The following AUTS2 variants were observed in gnomAD, a reference collection of about 807,000 sequenced individuals.
AUTS2 encodes activator of transcription and developmental regulator AUTS2.
AUTS2 carries 17 observed loss-of-function variants against 112.4 expected under a neutral mutation model. The ratio of observed to expected loss-of-function variants is 0.15; its 90% CI spans 0.10 to 0.23. The LOEUF (loss-of-function observed/expected upper bound fraction) is 0.23. AUTS2 is among the 10% of genes least tolerant of loss of function. The probability of loss-of-function intolerance (pLI) is 1.00; values close to 1 mark genes in which losing one functional copy is unlikely to be tolerated. For missense variants in AUTS2, 1,510 were observed against 1,701.6 expected (o/e 0.89, Z 1.98); for synonymous variants, 751 against 702.7 (o/e 1.07, Z -1.09).
chr7:70,116,315 A>G (rs1805353870), intron 2 of AUTS2, among the ~76,000 whole-genome samples: 1 of 152,206 alleles, frequency 6.6e-6, no homozygotes, highest in Non-Finnish European at 1.5e-5. Flanking sequence ...ATAGCAAAAA[A>G]GAATGCCTTG....
At chr7:70,460,356 T>A (rs948049808) in intron 5 of AUTS2, among the ~76,000 whole-genome samples, 3 of 140,672 alleles carry the variant, frequency 2.1e-5, no homozygotes, top group Non-Finnish European at 4.6e-5. Context: ...TTTTTTTTTT[T>A]TTTTTTTTTT....
chr7:70,656,573 A>G (rs149226770), intron 5 of AUTS2, among the ~76,000 whole-genome samples: 34 of 152,340 alleles, frequency 2.2e-4, no homozygotes, highest in African/African-American at 7.7e-4. Flanking sequence ...AGTACTTTCC[A>G]TAACTATTAT....
intron 4 of AUTS2, among the ~76,000 whole-genome samples, chr7:70,196,783 C>T (rs1810196331): frequency 1.3e-5 from 2 of 152,290 alleles, no homozygotes; most frequent in South Asian, 4.1e-4. Flanking sequence ...ATTGTGGACA[C>T]TGGTTGAGGG....
chr7:70,550,825 G>A (rs1332654585), intron 5 of AUTS2, among the ~76,000 whole-genome samples: 1 of 152,166 alleles, frequency 6.6e-6, no homozygotes, highest in African/African-American at 2.4e-5. Flanking sequence ...TGGCCTGAAA[G>A]AAACGGACAC....
chr7:70,131,127 A>G (rs576700600), intron 3 of AUTS2, among the ~76,000 whole-genome samples: 1 of 152,250 alleles, frequency 6.6e-6, no homozygotes, highest in Admixed American at 6.5e-5. Flanking sequence ...TCTCCAAGCA[A>G]AAAAATGGAA....
intron 1 of AUTS2, among the ~76,000 whole-genome samples, chr7:69,819,899 C>T (rs920536765): frequency 3.9e-5 from 6 of 152,088 alleles, no homozygotes; most frequent in African/African-American, 1.4e-4. Context: ...GGGCCCAGCC[C>T]CCAGTAAGCT....
intron 1 of AUTS2, among the ~76,000 whole-genome samples, chr7:69,746,098 A>T (rs1787487475): frequency 1.3e-5 from 2 of 151,930 alleles, no homozygotes; most frequent in South Asian, 4.1e-4. Flanking sequence ...TGATCTTGAA[A>T]TCCTGGCCTC....
At position 70,606,909 on chromosome 7, in the gene AUTS2, G is replaced by A. The variant is rs73445487; in HGVS notation, c.691-91660G>A. On this transcript the variant is annotated intron_variant, in intron 5 of 18. Transcript: ENST00000342771. ...CTTTCATGGAGGACTTCTCATACAC[G>A]TGCGCACACACACAACACATTGAAC... Among the ~76,000 whole-genome samples, 823 of 150,944 alleles carry A rather than the reference G, an allele frequency of 5.5e-3. 8 individuals carry two copies. Among genetic ancestry groups the A allele is most frequent in the African/African-American group, 0.018 (731 of 41,144 alleles).
intron 5 of AUTS2, among the ~76,000 whole-genome samples, chr7:70,540,023 T>G (rs191886089): frequency 2.0e-5 from 3 of 152,218 alleles, no homozygotes; most frequent in African/African-American, 7.2e-5. Flanking sequence ...TGTTGAAGGT[T>G]TCTTTCTCCC....
intron 5 of AUTS2, among the ~76,000 whole-genome samples, chr7:70,553,960 C>A (rs188084216): frequency 1.6e-4 from 24 of 150,392 alleles, no homozygotes; most frequent in African/African-American, 5.6e-4. Context: ...TTAGTAGAGA[C>A]GGTGTTTCAC....
chr7:70,021,850 C>T (rs1465360989), intron 2 of AUTS2, among the ~76,000 whole-genome samples: 1 of 152,084 alleles, frequency 6.6e-6, no homozygotes, highest in Admixed American at 6.5e-5. Context: ...GATTCAAATA[C>T]ACAGGTTTAT....
At chr7:70,659,518 G>A (rs1806954738) in intron 5 of AUTS2, among the ~76,000 whole-genome samples, 1 of 152,140 alleles carries the variant, frequency 6.6e-6, no homozygotes, top group African/African-American at 2.4e-5. Context: ...TGTTAACTGA[G>A]CTCAGCTTCC....
chr7:70,045,600 ATATTT>A (rs1208850002), intron 2 of AUTS2, among the ~76,000 whole-genome samples: 1 of 150,386 alleles, frequency 6.6e-6, no homozygotes, highest in African/African-American at 2.4e-5. Context: ...TTATTATATT[ATATTT>A]TATTTTATTT....
chr7:69,943,972 G>T (rs151024622), intron 2 of AUTS2, among the ~76,000 whole-genome samples: 2 of 152,262 alleles, frequency 1.3e-5, no homozygotes, highest in Non-Finnish European at 2.9e-5. Flanking sequence ...TAAATAATTA[G>T]ATTTTTGTTG....
intron 2 of AUTS2, among the ~76,000 whole-genome samples, chr7:69,923,900 G>A (rs578181065): frequency 6.6e-6 from 1 of 152,238 alleles, no homozygotes; most frequent in South Asian, 2.1e-4. Context: ...AATAGAAGCA[G>A]CTTATTTCTT....
chr7:70,693,212 G>T (rs941659494), intron 5 of AUTS2, among the ~76,000 whole-genome samples: 1 of 152,188 alleles, frequency 6.6e-6, no homozygotes, highest in South Asian at 2.1e-4. Flanking sequence ...TTGCTCAGGG[G>T]AATCTGCTGA....
Position 70,180,214 on chromosome 7 carries a change from A to G in AUTS2, c.660+45643A>G, listed in dbSNP as rs1809223924. Among the ~76,000 whole-genome samples, 4 of 152,206 alleles carry G rather than the reference A, an allele frequency of 2.6e-5. No homozygotes were observed. The South Asian group carries it at 8.3e-4, about 32-fold the overall frequency. ...CATATTGCATTTCTGTAAGAAGAAAAATATGAAAGGTTGATGTGTGTTTTT... is the reference window on the plus strand; with the variant it reads ...CATATTGCATTTCTGTAAGAAGAAAGATATGAAAGGTTGATGTGTGTTTTT... On this transcript the variant is annotated intron_variant, in intron 4 of 18. Coordinates refer to ENST00000342771, the MANE Select transcript of AUTS2 (RefSeq NM_015570.4).
At chr7:70,745,264 T>C (rs1007787505) in intron 6 of AUTS2, among the ~76,000 whole-genome samples, 2 of 152,196 alleles carry the variant, frequency 1.3e-5, no homozygotes, top group African/African-American at 2.4e-5. Context: ...TCTTCCAGCA[T>C]TCACTGCTCC....
chr7:70,040,957 G>A lies in AUTS2; in HGVS notation c.523-77175G>A, dbSNP rs1801221030. 2.0e-5 allele frequency among the ~76,000 whole-genome samples: 3 copies of A among 152,156 alleles called. No homozygotes were observed. The South Asian group carries it at 6.2e-4, about 32-fold the overall frequency. The stretch of plus-strand genomic sequence containing the variant: ...AGTAGATATCTATACTAACTTGATT[G>A]TAAACATTAAGTTTACATGGGATTT... On this transcript the variant is annotated intron_variant, in intron 2 of 18. Transcript: ENST00000342771.
Sources: allele counts gnomAD v4.1 joint callset (sites outside exome capture counted in the v4.1 genomes callset), GRCh38; gene constraint gnomAD v4.1.1; transcripts MANE v1.5; gene names NCBI Gene and HGNC (gene_info 2026-07-23, HGNC 2026-07-21).